FRMD4B: variants seen among roughly 807,000 people sequenced by gnomAD.
The protein encoded by FRMD4B is FERM domain containing 4B, also known as FERM domain-containing protein 4B.
A neutral mutation model predicts 141.5 loss-of-function variants in FRMD4B; 74 were observed. That is an observed-to-expected ratio of 0.52 (90% confidence interval 0.43 to 0.63). FRMD4B has a LOEUF of 0.63. Ranked by LOEUF, FRMD4B falls within the 30% of genes least tolerant of loss-of-function variation. The pLI is 0.00. For missense variants in FRMD4B, 1,366 were observed against 1,253.4 expected, an observed-to-expected ratio of 1.09 and a Z score of -1.36; for synonymous variants, 506 against 467.9, an observed-to-expected ratio of 1.08 and a Z score of -1.05.
intron 1 of FRMD4B, among the ~76,000 whole-genome samples, chr3:69,349,977 G>T (rs376368060): frequency 2.6e-5 from 4 of 152,020 alleles, no homozygotes. Context: ...GACAAATGGG[G>T]TCTAATTAAA....
chr3:69,250,127 G>A (rs758937866), intron 5 of FRMD4B, 28 bp from the exon 6 acceptor site: 1 of 1,501,970 alleles, frequency 6.7e-7, no homozygotes, highest in South Asian at 1.1e-5. Flanking sequence ...AAGCATCATT[G>A]AACATGGGGC....
chr3:69,476,328 T>A (rs1705996716), intron 1 of FRMD4B, among the ~76,000 whole-genome samples: 1 of 152,126 alleles, frequency 6.6e-6, no homozygotes, highest in Non-Finnish European at 1.5e-5. Context: ...AGGGTTTTTA[T>A]GGTTTTAGGT....
At chr3:69,215,284 C>CTTTTTTTTTGTTTTTTTTT (rs2093129033) in intron 11 of FRMD4B, among the ~76,000 whole-genome samples, 1 of 45,208 alleles carries the variant, frequency 2.2e-5, no homozygotes, top group African/African-American at 7.2e-5. Flanking sequence ...TTGTGACCCT[C>CTTTTTTTTTGTTTTTTTTT]TTTTTTTTTT....
intron 1 of FRMD4B, among the ~76,000 whole-genome samples, chr3:69,321,829 G>A (rs899199004): frequency 1.3e-5 from 2 of 151,754 alleles, no homozygotes; most frequent in African/African-American, 2.4e-5. Context: ...ATTCTTCCAC[G>A]TCAGCCTCCC....
In FRMD4B at chr3:69,176,436, C is replaced by T. The variant is rs574668492; in HGVS notation, c.2984+88G>A. 3.5e-5 allele frequency: 40 copies of T among 1,156,544 alleles called. No homozygotes were observed. The East Asian group carries it at 7.3e-4, about 21-fold the overall frequency. The allele number at this position is 1,156,544 out of a possible 1,614,324, so 71.6% of individuals were successfully genotyped here. On this transcript the variant is annotated intron_variant, in intron 22 of 22. Coordinates refer to ENST00000398540, the MANE Select transcript of FRMD4B (RefSeq NM_015123.3). ...AGGCTAGAGTTTGCCAACCCCTGAACTAGATTATCTGACGTTTGTAAATTA... is the reference window on the plus strand; with the variant it reads ...AGGCTAGAGTTTGCCAACCCCTGAATTAGATTATCTGACGTTTGTAAATTA...
rs752830770 is a variant in FRMD4B, at chr3:69,189,907, G to A, written c.1760C>T (p.Thr587Ile). 6.3e-7 allele frequency: 1 copy of A among 1,592,688 alleles called. No individual in the cohort carries two copies. Among genetic ancestry groups the A allele is most frequent in the Non-Finnish European group, 8.6e-7 (1 of 1,160,882 alleles). ...GAAGAGCCACTTACGATCATCATAG[G>A]TGGTGGTGTCAGACAAAGAGCTACT... is the stretch of plus-strand genomic sequence containing the variant. ...SESSSLSDTT[T>I]YDDPSDAFTF... The change falls in exon 18 of 23, where the codon ACC (threonine) becomes ATC (isoleucine). Residue 587 changes from threonine (T) to isoleucine (I), a missense_variant. By Grantham distance (89) the Thr-to-Ile change is moderately conservative. Coordinates refer to ENST00000398540, the MANE Select transcript of FRMD4B (RefSeq NM_015123.3).
chr3:69,250,299 G>GTGTGTT (rs1343175046), intron 5 of FRMD4B, 200 bp from the exon 6 acceptor site: 6 of 294,816 alleles, frequency 2.0e-5, no homozygotes, highest in Non-Finnish European at 3.6e-5. Context: ...GCGTGTGTGT[G>GTGTGTT]TGTGTGTGTG....
At chr3:69,266,217 A>C (rs911184347) in intron 5 of FRMD4B, among the ~76,000 whole-genome samples, 5 of 152,066 alleles carry the variant, frequency 3.3e-5, no homozygotes, top group Admixed American at 3.3e-4. Flanking sequence ...AGAAAAAAAA[A>C]AGCTCAAAAG....
intron 1 of FRMD4B, among the ~76,000 whole-genome samples, chr3:69,350,230 T>C (rs189150160): frequency 1.3e-5 from 2 of 152,244 alleles, no homozygotes; most frequent in Admixed American, 1.3e-4. Context: ...AAAATGCTCA[T>C]CATCACTGGC....
chr3:69,488,296 A>G (rs1414477129), intron 1 of FRMD4B, among the ~76,000 whole-genome samples: 2 of 152,180 alleles, frequency 1.3e-5, no homozygotes, highest in Admixed American at 1.3e-4. Context: ...AAGGCCCTCC[A>G]ATTCAAAATT....
At chr3:69,499,751 C>G (rs1706461949) in intron 1 of FRMD4B, among the ~76,000 whole-genome samples, 1 of 152,148 alleles carries the variant, frequency 6.6e-6, no homozygotes, top group Non-Finnish European at 1.5e-5. Flanking sequence ...TCAGACTCAT[C>G]TGCTCCAAGC....
intron 5 of FRMD4B, among the ~76,000 whole-genome samples, chr3:69,260,168 G>C (rs571642369): frequency 6.6e-6 from 1 of 152,232 alleles, no homozygotes; most frequent in South Asian, 2.1e-4. Flanking sequence ...CTCTGGTCTC[G>C]CTTGAGGAGC....
chr3:69,240,482 C>CAAAAAA (rs11344881), intron 7 of FRMD4B, among the ~76,000 whole-genome samples: 24 of 72,420 alleles, frequency 3.3e-4, no homozygotes, highest in South Asian at 6.6e-4. Context: ...GACTCTGTCT[C>CAAAAAA]AAAAAAAAAA....
intron 1 of FRMD4B, among the ~76,000 whole-genome samples, chr3:69,481,999 C>T (rs879628927): frequency 2.0e-5 from 3 of 152,104 alleles, no homozygotes; most frequent in Admixed American, 2.0e-4. Context: ...AATGCAAGTT[C>T]CTTCTTTAAA....
intron 1 of FRMD4B, among the ~76,000 whole-genome samples, chr3:69,339,516 G>T (rs74620902): frequency 6.6e-6 from 1 of 152,130 alleles, no homozygotes; most frequent in Non-Finnish European, 1.5e-5. Context: ...AGCACAGTGC[G>T]TGGCACTCAG....
intron 1 of FRMD4B, among the ~76,000 whole-genome samples, chr3:69,479,959 A>G (rs952751522): frequency 1.1e-4 from 16 of 151,892 alleles, no homozygotes; most frequent in Admixed American, 9.2e-4. Context: ...CATTCATTTC[A>G]TCTTCCATCA....
chr3:69,421,064 C>A (rs1010350219), intron 2 of FRMD4B, among the ~76,000 whole-genome samples: 1 of 152,200 alleles, frequency 6.6e-6, no homozygotes, highest in Non-Finnish European at 1.5e-5. Context: ...AGGCAGAGAC[C>A]TCACCCACCC....
intron 1 of FRMD4B, among the ~76,000 whole-genome samples, chr3:69,378,277 TTTGG>T (rs1704026303): frequency 6.6e-6 from 1 of 152,182 alleles, no homozygotes; most frequent in Non-Finnish European, 1.5e-5. Flanking sequence ...GCCTGGCCCC[TTTGG>T]TTGGGTGGGT....
chr3:69,343,693 C>T (rs1702827990), intron 1 of FRMD4B, among the ~76,000 whole-genome samples: 1 of 151,510 alleles, frequency 6.6e-6, no homozygotes. Context: ...GATTCCCCTG[C>T]CTCAGCCTCC....
Sources: gnomAD v4.1 joint callset for allele counts (sites outside exome capture counted in the v4.1 genomes callset) on GRCh38, gnomAD v4.1.1 for gene constraint, MANE v1.5 for transcripts, NCBI Gene and HGNC (gene_info 2026-07-23, HGNC 2026-07-21) for gene names.